The following FHOD3 variants were observed in gnomAD, a reference collection of about 807,000 sequenced individuals.
FHOD3 encodes the protein FH1/FH2 domain-containing protein 3.
In FHOD3, 90 loss-of-function variants were observed where a neutral mutation model predicts 173.0. The ratio of observed to expected loss-of-function variants is 0.52; its 90% confidence interval spans 0.44 to 0.62. The LOEUF (loss-of-function observed/expected upper bound fraction) is 0.62, where lower values mean the gene tolerates loss of function less well. FHOD3 is among the 20% of genes least tolerant of loss of function. FHOD3 has a pLI of 0.00. For synonymous variants in FHOD3, 828 were observed against 823.0 expected (o/e 1.01, Z -0.10); for missense variants, 1,945 against 2,034.7 (o/e 0.96, Z 0.85).
intron 1 of FHOD3, among the ~76,000 whole-genome samples, chr18:36,304,741 G>A (rs1004756154): frequency 2.6e-5 from 4 of 152,188 alleles, no homozygotes; most frequent in Admixed American, 2.0e-4. Flanking sequence ...CTTAGTAAGC[G>A]AAATGCTAAG....
At chr18:36,303,658 C>T (rs555345899) in intron 1 of FHOD3, among the ~76,000 whole-genome samples, 1 of 151,962 alleles carries the variant, frequency 6.6e-6, no homozygotes, top group Non-Finnish European at 1.5e-5. Flanking sequence ...CTCTCTCTGA[C>T]GATGATACTT....
chr18:36,619,223 G>A (rs1318611389), intron 9 of FHOD3, among the ~76,000 whole-genome samples: 1 of 152,168 alleles, frequency 6.6e-6, no homozygotes, highest in Non-Finnish European at 1.5e-5. Context: ...TTTAGTCTAA[G>A]GCAAGCAGGT....
intron 3 of FHOD3, among the ~76,000 whole-genome samples, chr18:36,396,834 A>G (rs1194481026): frequency 2.0e-5 from 3 of 151,962 alleles, no homozygotes; most frequent in Non-Finnish European, 4.4e-5. Context: ...ATTTTTATAT[A>G]AAATCAGTTT....
chr18:36,703,233 ACTAAGGCC>A (rs1364817533), intron 17 of FHOD3, among the ~76,000 whole-genome samples: 2 of 152,186 alleles, frequency 1.3e-5, no homozygotes, highest in Non-Finnish European at 2.9e-5. Context: ...CCTCTGCCAA[ACTAAGGCC>A]CTACGTGAAG....
intron 3 of FHOD3, among the ~76,000 whole-genome samples, chr18:36,490,951 G>A (rs912656973): frequency 1.3e-5 from 2 of 152,152 alleles, no homozygotes; most frequent in African/African-American, 2.4e-5. Context: ...ATGGAATCCC[G>A]GGTTAACTCA....
chr18:36,575,452 TA>T (rs952053362), intron 5 of FHOD3, among the ~76,000 whole-genome samples: 1 of 152,322 alleles, frequency 6.6e-6, no homozygotes, highest in Admixed American at 6.5e-5. Flanking sequence ...TTGTAATGCA[TA>T]AAAAAAGAAT....
intron 3 of FHOD3, among the ~76,000 whole-genome samples, chr18:36,383,120 GT>G (rs1257291077): frequency 6.6e-6 from 1 of 152,170 alleles, no homozygotes; most frequent in Non-Finnish European, 1.5e-5. Flanking sequence ...CTGGGATAGC[GT>G]TGGCCAGCCC....
chr18:36,499,539 G>A (rs1487525194), intron 3 of FHOD3, among the ~76,000 whole-genome samples: 1 of 152,202 alleles, frequency 6.6e-6, no homozygotes, highest in Admixed American at 6.5e-5. Flanking sequence ...TTATTTATTA[G>A]AAGTAGTATT....
chr18:36,325,148 T>G (rs371816524), intron 1 of FHOD3, among the ~76,000 whole-genome samples: 4 of 152,036 alleles, frequency 2.6e-5, no homozygotes, highest in African/African-American at 9.6e-5. Flanking sequence ...TAAGTCAAGA[T>G]AGCAGTTTAC....
chr18:36,364,256 T>C (rs1478454647), intron 2 of FHOD3, among the ~76,000 whole-genome samples: 1 of 152,168 alleles, frequency 6.6e-6, no homozygotes, highest in African/African-American at 2.4e-5. Flanking sequence ...ATTCCAAATA[T>C]AGGCAATCCT....
chr18:36,468,875 C>A (rs1456944669), intron 3 of FHOD3, among the ~76,000 whole-genome samples: 1 of 152,098 alleles, frequency 6.6e-6, no homozygotes, highest in Non-Finnish European at 1.5e-5. Flanking sequence ...GTAATCCCAC[C>A]GACAGACACT....
intron 14 of FHOD3, among the ~76,000 whole-genome samples, chr18:36,670,024 C>CA (rs2037426606): frequency 6.7e-6 from 1 of 149,874 alleles, no homozygotes; most frequent in Non-Finnish European, 1.5e-5. Context: ...AAGTTGATAG[C>CA]GTTTTTTTTT....
At chr18:36,671,197 G>A (rs1297501155) in intron 14 of FHOD3, among the ~76,000 whole-genome samples, 2 of 152,248 alleles carry the variant, frequency 1.3e-5, no homozygotes, top group African/African-American at 2.4e-5. Context: ...TACCCTGCCA[G>A]TGTTATCCCC....
At chr18:36,743,008 T>C (rs1299027190) in intron 22 of FHOD3, 152 bp downstream of exon 22, 1 of 1,252,636 alleles carries the variant, frequency 8.0e-7, no homozygotes, top group Non-Finnish European at 1.1e-6. Context: ...AAGGAATTTG[T>C]TCTTAAGATA....
intron 3 of FHOD3, among the ~76,000 whole-genome samples, chr18:36,489,452 A>T (rs2054353946): frequency 6.6e-6 from 1 of 152,172 alleles, no homozygotes; most frequent in South Asian, 2.1e-4. Flanking sequence ...CTGTAATCAC[A>T]ACACAAGCCA....
At chr18:36,471,644 G>A (rs2053291218) in intron 3 of FHOD3, among the ~76,000 whole-genome samples, 1 of 152,212 alleles carries the variant, frequency 6.6e-6, no homozygotes, top group Non-Finnish European at 1.5e-5. Flanking sequence ...AGGTTTTGGT[G>A]TAGGAAATTA....
chr18:36,595,106 G>C (rs1320408945), intron 7 of FHOD3, among the ~76,000 whole-genome samples: 1 of 152,162 alleles, frequency 6.6e-6, no homozygotes. Context: ...GTGCTCATGA[G>C]CTTACCTGGG....
intron 3 of FHOD3, among the ~76,000 whole-genome samples, chr18:36,394,112 G>A (rs1316150705): frequency 6.6e-6 from 1 of 152,166 alleles, no homozygotes; most frequent in East Asian, 1.9e-4. Context: ...AAGAACACTG[G>A]TATGGGAGTA....
intron 28 of FHOD3, chr18:36,779,191 C>T (rs769269788): frequency 2.5e-5 from 13 of 527,714 alleles, no homozygotes; most frequent in Non-Finnish European, 4.4e-5. Flanking sequence ...TATAAGTGCC[C>T]GCATCACTCC....
Sources: gnomAD v4.1 joint callset for allele counts (sites outside exome capture counted in the v4.1 genomes callset) on GRCh38, gnomAD v4.1.1 for gene constraint, MANE v1.5 for transcripts, NCBI Gene and HGNC (gene_info 2026-07-23, HGNC 2026-07-21) for gene names.